The following PLD5 variants were observed in gnomAD, a reference collection of about 807,000 sequenced individuals.
PLD5 encodes phospholipase D family member 5, also known as inactive phospholipase D5.
In PLD5, 36 loss-of-function variants were observed where a neutral mutation model predicts 61.1. That is an observed-to-expected ratio of 0.59 (90% CI 0.45 to 0.78). The LOEUF is 0.78. PLD5 is among the 30% of genes least tolerant of loss of function. The pLI is 0.00. For synonymous variants in PLD5, 243 were observed against 242.8 expected, an observed-to-expected ratio of 1.00 and a Z score of -0.01; for missense variants, 515 against 644.4, an observed-to-expected ratio of 0.80 and a Z score of 2.17.
intron 5 of PLD5, among the ~76,000 whole-genome samples, chr1:242,207,628 CTTAT>C (rs1194590442): frequency 6.6e-6 from 1 of 150,580 alleles, no homozygotes; most frequent in South Asian, 2.1e-4. Flanking sequence ...TTCAACATAA[CTTAT>C]TTGAGATTCA....
intron 1 of PLD5, among the ~76,000 whole-genome samples, chr1:242,411,669 ATTT>A (rs1370647498): frequency 6.6e-6 from 1 of 152,148 alleles, no homozygotes; most frequent in Non-Finnish European, 1.5e-5. Context: ...TTTAATTGAA[ATTT>A]TTTTGAGATA....
intron 4 of PLD5, among the ~76,000 whole-genome samples, chr1:242,244,934 C>A (rs1672271876): frequency 6.6e-6 from 1 of 152,142 alleles, no homozygotes; most frequent in African/African-American, 2.4e-5. Flanking sequence ...ACTCAGAGAC[C>A]TAATTAGCCA....
At chr1:242,347,512 C>T (rs1366021256) in intron 2 of PLD5, among the ~76,000 whole-genome samples, 2 of 152,146 alleles carry the variant, frequency 1.3e-5, no homozygotes, top group Non-Finnish European at 2.9e-5. Flanking sequence ...TGAGACTACA[C>T]TGTGATGTCT....
At chr1:242,324,243 A>C (rs1052346214) in intron 2 of PLD5, among the ~76,000 whole-genome samples, 18 of 152,344 alleles carry the variant, frequency 1.2e-4, no homozygotes, top group African/African-American at 4.1e-4. Context: ...ATAAGGAATA[A>C]ATCCAGATAA....
intron 2 of PLD5, among the ~76,000 whole-genome samples, chr1:242,301,857 A>C (rs1427387104): frequency 6.6e-6 from 1 of 151,326 alleles, no homozygotes; most frequent in Non-Finnish European, 1.5e-5. Context: ...GGCTCACTGC[A>C]ACCTCCACCT....
In PLD5 at chr1:242,513,720, A is replaced by G. The variant is rs867654319; in HGVS notation, c.189+10368T>C. Among the ~76,000 whole-genome samples, 8 of 152,332 alleles carry G rather than the reference A, an allele frequency of 5.3e-5. No homozygotes were observed. The Middle Eastern group carries it at 0.01, about 194-fold the overall frequency. On this transcript the variant is annotated intron_variant, in intron 1 of 9. Transcript: ENST00000536534. ...GATAATATGAATCAAGACCATAACA[A>G]TGGTGTGGGTCCAAGATACAAAGAG...
At chr1:242,414,063 G>A (rs1314334367) in intron 1 of PLD5, among the ~76,000 whole-genome samples, 2 of 152,232 alleles carry the variant, frequency 1.3e-5, no homozygotes, top group East Asian at 1.9e-4. Flanking sequence ...CAAGTGAAAC[G>A]CTATTAAAAT....
At chr1:242,471,965 T>C (rs1667460384) in intron 1 of PLD5, among the ~76,000 whole-genome samples, 1 of 152,208 alleles carries the variant, frequency 6.6e-6, no homozygotes, top group Non-Finnish European at 1.5e-5. Flanking sequence ...ACTAAGCTGC[T>C]TCCACAGACC....
chr1:242,449,068 G>T (rs920079455), intron 1 of PLD5, among the ~76,000 whole-genome samples: 4 of 152,222 alleles, frequency 2.6e-5, no homozygotes, highest in South Asian at 2.1e-4. Context: ...ATTAATCGGG[G>T]TTTACATCTG....
intron 1 of PLD5, among the ~76,000 whole-genome samples, chr1:242,443,456 C>T (rs1388669522): frequency 1.3e-5 from 2 of 152,102 alleles, no homozygotes; most frequent in African/African-American, 4.8e-5. Flanking sequence ...CTGGGCACTT[C>T]ATAGAGCCAG....
At chr1:242,504,395 C>T (rs1023048385) in intron 1 of PLD5, among the ~76,000 whole-genome samples, 1 of 152,206 alleles carries the variant, frequency 6.6e-6, no homozygotes, top group East Asian at 1.9e-4. Context: ...TAGACTACAA[C>T]ATGCATGAGA....
intron 2 of PLD5, among the ~76,000 whole-genome samples, chr1:242,310,257 C>A (rs1352353508): frequency 5.9e-5 from 9 of 152,162 alleles, no homozygotes; most frequent in Non-Finnish European, 8.8e-5. Context: ...ATCTTGGGTC[C>A]TGTCTCACTC....
chr1:242,293,251 T>C (rs1675470427), intron 2 of PLD5, among the ~76,000 whole-genome samples: 1 of 152,084 alleles, frequency 6.6e-6, no homozygotes, highest in Non-Finnish European at 1.5e-5. Context: ...CTGGAGATAT[T>C]GGAGGAGGAG....
At chr1:242,357,531 G>C (rs564842547) in intron 1 of PLD5, among the ~76,000 whole-genome samples, 93 of 150,776 alleles carry the variant, frequency 6.2e-4, no homozygotes, top group African/African-American at 2.1e-3. Flanking sequence ...TGTTGCCCAG[G>C]CTGGAGTGCA....
At chr1:242,182,663 C>T (rs924697277) in intron 5 of PLD5, among the ~76,000 whole-genome samples, 6 of 151,876 alleles carry the variant, frequency 4.0e-5, no homozygotes, top group East Asian at 3.9e-4. Context: ...GCCAACATGG[C>T]GAAAAACCAT....
chr1:242,169,823 C>T lies in PLD5; in HGVS notation c.736-45158G>A, dbSNP rs374855266. 5.9e-5 allele frequency among the ~76,000 whole-genome samples: 9 copies of T among 152,122 alleles called. No homozygotes were observed. The South Asian group carries it at 1.0e-3, about 18-fold the overall frequency. On this transcript the variant is annotated intron_variant, in intron 5 of 9. Transcript: ENST00000536534. ...GTGTAAACAAAGCAGCCAGGAAGTTCGAACTGGGTGGAGCCCACCGCAGCT... is the reference window on the plus strand; with the variant it reads ...GTGTAAACAAAGCAGCCAGGAAGTTTGAACTGGGTGGAGCCCACCGCAGCT...
rs1224041300 is a variant in PLD5, at chr1:242,325,386, G to T, written c.326+22720C>A. Among the ~76,000 whole-genome samples the T allele has an allele frequency of 2.1e-5, 3 of 144,118 alleles. No homozygotes were observed. The East Asian group carries it at 6.4e-4, about 31-fold the overall frequency. 94.5% of individuals were successfully genotyped at this position (144,118 alleles called of 152,430 possible). On this transcript the variant is annotated intron_variant, in intron 2 of 9. Transcript: ENST00000536534. ...ATATATATATATAGGGAGAGAGAGG[G>T]AGAGAGAGAGAGTGGGGGTTGTGGG...
chr1:242,350,532 A>C (rs1410672853), intron 1 of PLD5, among the ~76,000 whole-genome samples: 11 of 152,002 alleles, frequency 7.2e-5, no homozygotes, highest in Middle Eastern at 3.4e-3. Flanking sequence ...ACCCGGCTTC[A>C]CTTTATCACC....
chr1:242,331,456 A>T (rs1316555368), intron 2 of PLD5, among the ~76,000 whole-genome samples: 5 of 152,004 alleles, frequency 3.3e-5, no homozygotes, highest in Non-Finnish European at 7.4e-5. Flanking sequence ...AACAAAGCAC[A>T]CCTCTGAGAA....
Sources: gnomAD v4.1 joint callset for allele counts (sites outside exome capture counted in the v4.1 genomes callset) on GRCh38, gnomAD v4.1.1 for gene constraint, MANE v1.5 for transcripts, NCBI Gene and HGNC (gene_info 2026-07-23, HGNC 2026-07-21) for gene names.